The following GUCA2B variants were observed in gnomAD, a reference collection of about 807,000 sequenced individuals.
GUCA2B encodes guanylate cyclase activator 2B.
Under a neutral mutation model 11.1 loss-of-function variants are expected in GUCA2B, and 7 were observed. That is an observed-to-expected ratio of 0.63 (90% CI 0.36 to 1.18). The LOEUF is 1.18. Among genes scored for constraint, GUCA2B ranks in the 50% most tolerant of loss-of-function variants. The probability of loss-of-function intolerance (pLI) is 0.02; values close to 1 mark genes in which losing one functional copy is unlikely to be tolerated. For synonymous variants in GUCA2B, 69 were observed against 65.3 expected (o/e 1.06, Z -0.27); for missense variants, 140 against 142.5 (o/e 0.98, Z 0.09).
At position 42,153,518 on chromosome 1, in the gene GUCA2B, GCA is replaced by G; in HGVS notation, c.73_74del (p.Gln25ValfsTer21). On this transcript the variant is annotated frameshift_variant, in exon 1 of 3. Coordinates refer to ENST00000372581, the MANE Select transcript of GUCA2B (RefSeq NM_007102.3). LOFTEE classifies it high-confidence loss of function. ...GTGGTCCTCCTGCTGCTGCTGCAGA[GCA>G]CACAGTCAGTCTACATCCAGGTGAG... 6.2e-7 allele frequency: 1 copy of G among 1,612,248 alleles called. No homozygotes were observed.
At chr1:42,154,996 C>T (rs1646102390) in intron 2 of GUCA2B, 130 bp downstream of exon 2, 1 of 711,306 alleles carries the variant, frequency 1.4e-6, no homozygotes, top group Non-Finnish European at 2.4e-6. Flanking sequence ...GGCCCTGTCC[C>T]ACTGGCTCCC....
At chr1:42,155,322 A>T (rs554845981) in intron 2 of GUCA2B, among the ~76,000 whole-genome samples, 3 of 152,322 alleles carry the variant, frequency 2.0e-5, no homozygotes, top group African/African-American at 7.2e-5. Context: ...TTTAGCAAAC[A>T]AGAAATCTCA....
chr1:42,155,613 C>A lies in GUCA2B; in HGVS notation c.*17C>A, dbSNP rs373994919. On this transcript the variant is annotated 3_prime_UTR_variant, in exon 3 of 3. Transcript: ENST00000372581. ...TGCCTCTGAGATAGCCCTGGGTACC[C>A]TGAGCCCACCAGGGACACCTCGCCC... is the stretch of plus-strand genomic sequence containing the variant. The A allele has an allele frequency of 5.0e-6, 8 of 1,600,240 alleles. No homozygotes were observed. In the Admixed American group the frequency reaches 1.3e-4, roughly 27 times the overall value.
intron 1 of GUCA2B, 125 bp from the exon 2 acceptor site, chr1:42,154,555 A>G: frequency 1.3e-6 from 1 of 771,234 alleles, no homozygotes; most frequent in Middle Eastern, 2.8e-4. Context: ...GTGGCCCTGG[A>G]CTTCCCATAG....
In GUCA2B at chr1:42,153,485, G is replaced by C. The variant is rs1434966550; in HGVS notation, c.35G>C (p.Gly12Ala). The C allele has an allele frequency of 3.1e-6, 5 of 1,612,872 alleles. No homozygotes were observed. Among genetic ancestry groups the C allele is most frequent in the Middle Eastern group, 3.3e-4 (2 of 6,054 alleles). The change falls in exon 1 of 3, where the codon GGA becomes GCA. Residue 12 changes from glycine to alanine, a missense_variant. Gly to Ala is a moderately conservative substitution (Grantham distance 60). Coordinates refer to ENST00000372581, the MANE Select transcript of GUCA2B (RefSeq NM_007102.3). ...GCRAASGLLPGVAVVLLLLLQ... is the reference protein window; with the variant it reads ...GCRAASGLLPAVAVVLLLLLQ... ...AGGGCTGCATCAGGGCTCCTGCCAG[G>C]AGTGGCCGTGGTCCTCCTGCTGCTG...
Position 42,155,536 on chromosome 1 carries a change from G to A in GUCA2B, c.279G>A (p.Arg93=). The change falls in exon 3 of 3, where the codon AGG becomes AGA. Residue 93 remains arginine, a splice_region_variant and synonymous_variant. Transcript: ENST00000372581. ...CTGACCAGTTCTCTCCCTGCCCAGG[G>A]ACCATCGCTAACGACGACTGTGAGC... ...QEASSIFKTL[R]TIANDDCELC... 6.2e-7 allele frequency: 1 copy of A among 1,613,774 alleles called. No individual in the cohort carries two copies.
chr1:42,155,121 A>G (rs1646103372), intron 2 of GUCA2B, among the ~76,000 whole-genome samples: 2 of 152,170 alleles, frequency 1.3e-5, no homozygotes, highest in African/African-American at 4.8e-5. Context: ...AGCAGAGAGG[A>G]GAGCTGGCTG....
rs769985297 is a variant in GUCA2B at position 42,153,568 on chromosome 1, G to T, written c.90+28G>T. 4 of 1,472,980 alleles carry T rather than the reference G, an allele frequency of 2.7e-6. No individual in the cohort carries two copies. In the Admixed American group the frequency reaches 6.7e-5, roughly 25 times the overall value. 91.2% of individuals were successfully genotyped at this position (1,472,980 alleles called of 1,614,324 possible). On this transcript the variant is annotated intron_variant, in intron 1 of 2. Coordinates refer to ENST00000372581, the MANE Select transcript of GUCA2B (RefSeq NM_007102.3). ...GAGTCCCTTGGCCAGCGTTCCCTTTGCCTGAAGGGCCCCATGGTGGGAGGC... is the reference window on the plus strand; with the variant it reads ...GAGTCCCTTGGCCAGCGTTCCCTTTTCCTGAAGGGCCCCATGGTGGGAGGC...
In GUCA2B at chr1:42,155,577, C is replaced by G; in HGVS notation, c.320C>G (p.Ala107Gly). The G allele has an allele frequency of 6.2e-7, 1 of 1,613,774 alleles. No individual in the cohort carries two copies. The highest frequency in any genetic ancestry group is 1.7e-5 in the Admixed American group (1 of 60,030). ...GACTGTGAGCTGTGTGTGAACGTTG[C>G]GTGTACCGGCTGCCTCTGAGATAGC... ...NDDCELCVNV[A>G]CTGCL The change falls in exon 3 of 3, where the codon GCG becomes GGG. Residue 107 changes from alanine (A) to glycine (G), a missense_variant. By Grantham distance (60) the Ala-to-Gly change is moderately conservative. Coordinates refer to ENST00000372581, the MANE Select transcript of GUCA2B (RefSeq NM_007102.3).
intron 2 of GUCA2B, among the ~76,000 whole-genome samples, chr1:42,155,266 C>G (rs879151030): frequency 1.3e-5 from 2 of 152,184 alleles, no homozygotes; most frequent in African/African-American, 4.8e-5. Flanking sequence ...TACTGTGTGC[C>G]GGGACTTGTC....
At chr1:42,154,296 G>A (rs1045260088) in intron 1 of GUCA2B, among the ~76,000 whole-genome samples, 1 of 152,186 alleles carries the variant, frequency 6.6e-6, no homozygotes, top group African/African-American at 2.4e-5. Flanking sequence ...CAGCTACTTG[G>A]GGCTGCCATC....
chr1:42,155,329 C>T (rs1044686002), intron 2 of GUCA2B, among the ~76,000 whole-genome samples: 1 of 152,228 alleles, frequency 6.6e-6, no homozygotes, highest in Non-Finnish European at 1.5e-5. Flanking sequence ...AACAAGAAAT[C>T]TCAGGCACAG....
At position 42,153,467 on chromosome 1, in the gene GUCA2B, C is replaced by T. The variant is rs1275867833; in HGVS notation, c.17C>T (p.Ala6Val). The change falls in exon 1 of 3, where the codon GCA becomes GTA. Residue 6 changes from alanine (A) to valine (V), a missense_variant. Coordinates refer to ENST00000372581, the MANE Select transcript of GUCA2B (RefSeq NM_007102.3). ...GGGAGCGCGATGGGCTGCAGGGCTG[C>T]ATCAGGGCTCCTGCCAGGAGTGGCC... MGCRA[A>V]SGLLPGVAVV... 1.2e-6 allele frequency: 2 copies of T among 1,611,480 alleles called. No homozygotes were observed. Among genetic ancestry groups the T allele is most frequent in the African/African-American group, 1.3e-5 (1 of 74,912 alleles).
chr1:42,155,367 G>A (rs1035716015), intron 2 of GUCA2B, among the ~76,000 whole-genome samples, 168 bp from the exon 3 acceptor site: 3 of 152,178 alleles, frequency 2.0e-5, no homozygotes, highest in Non-Finnish European at 1.5e-5. Flanking sequence ...CCCAGTGGCC[G>A]CTAGGAAGGA....
chr1:42,153,531 C>T lies in GUCA2B; in HGVS notation c.81C>T (p.Val27=), dbSNP rs750765494. Reference sequence around the variant, plus strand: ...TGCTGCTGCAGAGCACACAGTCAGTCTACATCCAGGTGAGTCCCTTGGCCA... The same window carrying T: ...TGCTGCTGCAGAGCACACAGTCAGTTTACATCCAGGTGAGTCCCTTGGCCA... ...LLLLLQSTQS[V]YIQYQGFRVQ... is the part of the protein sequence containing the mutation. Residue 27 remains valine (V), a synonymous_variant, in exon 1 of 3, where the codon GTC becomes GTT. Transcript: ENST00000372581. 8 of 1,610,604 alleles carry T rather than the reference C, an allele frequency of 5.0e-6. No homozygotes were observed. Among genetic ancestry groups the T allele is most frequent in the South Asian group, 1.1e-5 (1 of 90,966 alleles).
At position 42,155,770 on chromosome 1, in the gene GUCA2B, G is replaced by A; in HGVS notation, c.*174G>A. The A allele has an allele frequency of 1.5e-6, 1 of 650,326 alleles. No individual in the cohort carries two copies. The highest frequency in any genetic ancestry group is 2.8e-6 in the Non-Finnish European group (1 of 357,978). The allele number at this position is 650,326 out of a possible 1,614,324, so 40.3% of individuals were successfully genotyped here. On this transcript the variant is annotated 3_prime_UTR_variant, in exon 3 of 3. Transcript: ENST00000372581. The stretch of plus-strand genomic sequence containing the variant: ...TACAAAGCAATCGGACATAGAGTTG[G>A]AGGGGGAGGCCCCTGAGGCAGCCCA...
rs375370005 is a variant in GUCA2B at position 42,153,437 on chromosome 1, A to C, written c.-14A>C. ...GAGACGGTGGACAGCGGCAGGGGGA[A>C]CCCAGGGAGCGCGATGGGCTGCAGG... On this transcript the variant is annotated 5_prime_UTR_variant, in exon 1 of 3. Coordinates refer to ENST00000372581, the MANE Select transcript of GUCA2B (RefSeq NM_007102.3). 2 of 1,596,518 alleles carry C rather than the reference A, an allele frequency of 1.3e-6. No individual in the cohort carries two copies. The highest frequency in any genetic ancestry group is 2.2e-5 in the South Asian group (2 of 90,688).
In GUCA2B at chr1:42,155,606, G is replaced by C. The variant is rs1439500390; in HGVS notation, c.*10G>C. 6.2e-7 allele frequency: 1 copy of C among 1,608,324 alleles called. No individual in the cohort carries two copies. Among genetic ancestry groups the C allele is most frequent in the African/African-American group, 1.3e-5 (1 of 74,782 alleles). On this transcript the variant is annotated 3_prime_UTR_variant, in exon 3 of 3. Transcript: ENST00000372581. ...TACCGGCTGCCTCTGAGATAGCCCT[G>C]GGTACCCTGAGCCCACCAGGGACAC...
rs538392274 is a variant in GUCA2B, at chr1:42,154,693, G to T, written c.104G>T (p.Arg35Leu). ...QSVYIQYQGF[R>L]VQLESMKKLS... Reference sequence around the variant, plus strand: ...CCCTGTCTGTAGTACCAAGGCTTCCGGGTCCAGCTGGAATCCATGAAGAAG... The same window carrying T: ...CCCTGTCTGTAGTACCAAGGCTTCCTGGTCCAGCTGGAATCCATGAAGAAG... The change falls in exon 2 of 3, where the codon CGG becomes CTG. Residue 35 changes from arginine (R) to leucine (L), a missense_variant. By Grantham distance (102) the Arg-to-Leu change is moderately radical. Coordinates refer to ENST00000372581, the MANE Select transcript of GUCA2B (RefSeq NM_007102.3). 1 of 1,613,986 alleles carries T rather than the reference G, an allele frequency of 6.2e-7. No homozygotes were observed. The highest frequency in any genetic ancestry group is 8.5e-7 in the Non-Finnish European group (1 of 1,179,834).
Sources: allele counts gnomAD v4.1 joint callset (sites outside exome capture counted in the v4.1 genomes callset), GRCh38; gene constraint gnomAD v4.1.1; transcripts MANE v1.5; gene names NCBI Gene and HGNC (gene_info 2026-07-23, HGNC 2026-07-21).